The following SHISAL1 variants were observed in gnomAD, a reference collection of about 807,000 sequenced individuals.
SHISAL1 encodes protein shisa-like-1.
In SHISAL1, 9 loss-of-function variants were observed where a neutral mutation model predicts 22.6. That is an observed-to-expected ratio of 0.40 (90% confidence interval 0.24 to 0.70). The LOEUF (loss-of-function observed/expected upper bound fraction) is 0.70, where lower values mean the gene tolerates loss of function less well. SHISAL1 is among the 30% of genes least tolerant of loss of function. The pLI is 0.39. For synonymous variants in SHISAL1, 119 were observed against 115.4 expected (o/e 1.03, Z -0.20); for missense variants, 246 against 270.6 (o/e 0.91, Z 0.64).
the SHISAL1 span, among the ~76,000 whole-genome samples, chr22:44,318,425 A>G: frequency 1.3e-5 from 2 of 152,242 alleles, no homozygotes; most frequent in Non-Finnish European, 2.9e-5. Context: ...TGGCAAGTGC[A>G]GAATGCCAGG....
chr22:44,249,372 G>C lies in SHISAL1; in HGVS notation c.*313C>G, dbSNP rs1261066915. ...CAATCCTCCTGGCTGGAATCAGCCA[G>C]AGTTGCTTTGTCTTGGTCATCCTGA... On this transcript the variant is annotated 3_prime_UTR_variant, in exon 5 of 5. Coordinates refer to ENST00000381176, the MANE Select transcript of SHISAL1 (RefSeq NM_001099294.2). 1 of 329,126 alleles carries C rather than the reference G, an allele frequency of 3.0e-6. No homozygotes were observed. Among genetic ancestry groups the C allele is most frequent in the East Asian group, 5.8e-5 (1 of 17,302 alleles). 20.4% of individuals were successfully genotyped at this position (329,126 alleles called of 1,614,324 possible).
chr22:44,298,852 G>A (rs2055406122), intron 2 of SHISAL1, among the ~76,000 whole-genome samples: 1 of 152,200 alleles, frequency 6.6e-6, no homozygotes, highest in African/African-American at 2.4e-5. Context: ...GGCCACCACT[G>A]GGCGGTCAGC....
intron 3 of SHISAL1, among the ~76,000 whole-genome samples, chr22:44,292,979 G>A (rs980919576): frequency 9.9e-5 from 15 of 152,208 alleles, no homozygotes; most frequent in Non-Finnish European, 1.8e-4. Flanking sequence ...CTCCAGGGAC[G>A]CTTGATGGCC....
chr22:44,319,546 C>T, the SHISAL1 span, among the ~76,000 whole-genome samples: 1 of 152,226 alleles, frequency 6.6e-6, no homozygotes, highest in Non-Finnish European at 1.5e-5. Context: ...TCCACTGGTC[C>T]CATTTCCCAC....
intron 4 of SHISAL1, among the ~76,000 whole-genome samples, chr22:44,270,018 A>T (rs114156167): frequency 0.05 from 7,626 of 152,106 alleles, 472 homozygotes; most frequent in East Asian, 0.15. Flanking sequence ...TACCTCCAAA[A>T]TACTGCTTTG....
At position 44,285,433 on chromosome 22, in the gene SHISAL1, A is replaced by G; in HGVS notation, c.594T>C (p.Ser198=). 8.7e-6 allele frequency: 14 copies of G among 1,614,060 alleles called. No homozygotes were observed. The highest frequency in any genetic ancestry group is 1.2e-5 in the Non-Finnish European group (14 of 1,179,924). Residue 198 remains serine, a synonymous_variant, in exon 4 of 5, where the codon TCT becomes TCC. Transcript: ENST00000381176. ...TCTCAATTGTAGCCACTCACCAGGC[A>G]GACGAACTCTGGAAGGTCATCAGCG... The part of the protein sequence containing the change: ...SPPLMTFQSS[S]A
chr22:44,324,580 G>C, the SHISAL1 span, among the ~76,000 whole-genome samples: 1 of 152,208 alleles, frequency 6.6e-6, no homozygotes, highest in Non-Finnish European at 1.5e-5. Flanking sequence ...CCCTTTGTAT[G>C]AATTTATTTT....
intron 3 of SHISAL1, among the ~76,000 whole-genome samples, chr22:44,287,016 C>T (rs1488725561): frequency 1.3e-5 from 2 of 152,370 alleles, no homozygotes; most frequent in South Asian, 2.1e-4. Flanking sequence ...TCACCTCGCT[C>T]TCGCCCAGAC....
chr22:44,316,123 G>A (rs1201541004), upstream of SHISAL1, among the ~76,000 whole-genome samples: 3 of 152,184 alleles, frequency 2.0e-5, no homozygotes, highest in Admixed American at 2.0e-4. Flanking sequence ...GTTACAAATA[G>A]CAGGCCCCCA....
rs202116974 is a variant in SHISAL1, at chr22:44,272,137, AG to A, written c.599+13290del. On this transcript the variant is annotated intron_variant, in intron 4 of 4. Transcript: ENST00000381176. ...CTGCAGGTAGCACGTCCCCAGAAAC[AG>A]GTGTGTCATGTTGCCAAGCTCCTAA... Among the ~76,000 whole-genome samples, 611 of 152,292 alleles carry A rather than the reference AG, an allele frequency of 4.0e-3. 7 individuals are homozygous for A. Among genetic ancestry groups the A allele is most frequent in the African/African-American group, 0.014 (578 of 41,564 alleles).
At chr22:44,306,158 A>G (rs1188323519) in intron 1 of SHISAL1, among the ~76,000 whole-genome samples, 2 of 152,232 alleles carry the variant, frequency 1.3e-5, no homozygotes, top group Non-Finnish European at 2.9e-5. Context: ...TGAGGCGGCC[A>G]GCCTCAGGGC....
Position 44,249,484 on chromosome 22 carries a change from A to ACCCCCC in SHISAL1, c.*200_*201insGGGGGG. The ACCCCCC allele has an allele frequency of 2.2e-6, 1 of 452,216 alleles. No individual in the cohort carries two copies. 28.0% of individuals were successfully genotyped at this position (452,216 alleles called of 1,614,324 possible). On this transcript the variant is annotated 3_prime_UTR_variant, in exon 5 of 5. Coordinates refer to ENST00000381176, the MANE Select transcript of SHISAL1 (RefSeq NM_001099294.2). The stretch of plus-strand genomic sequence containing the variant: ...GGTGGCTCAGAATCCCCTCCCCTGC[A>ACCCCCC]CCCCCAGCCCCTACCCCTGAGTTTG...
intron 4 of SHISAL1, among the ~76,000 whole-genome samples, chr22:44,251,604 T>C (rs776881410): frequency 1.3e-5 from 2 of 152,170 alleles, no homozygotes; most frequent in Non-Finnish European, 2.9e-5. Flanking sequence ...CTCACAATCA[T>C]GGCAAAAGGC....
At chr22:44,327,355 C>T in the SHISAL1 span, among the ~76,000 whole-genome samples, 2 of 151,964 alleles carry the variant, frequency 1.3e-5, no homozygotes, top group South Asian at 2.1e-4. Flanking sequence ...AGGGGCTGAA[C>T]GAGAAAACCT....
chr22:44,296,372 C>A (rs2055385913), intron 3 of SHISAL1, among the ~76,000 whole-genome samples: 1 of 151,922 alleles, frequency 6.6e-6, no homozygotes, highest in Non-Finnish European at 1.5e-5. Context: ...GTTGGCTAGG[C>A]TGGTCTCGAA....
upstream of SHISAL1, among the ~76,000 whole-genome samples, chr22:44,313,166 C>T (rs1442869540): frequency 6.6e-6 from 1 of 152,258 alleles, no homozygotes; most frequent in African/African-American, 2.4e-5. Context: ...GAGACACTCC[C>T]TGTGAGATCC....
chr22:44,309,025 G>A (rs555882934), intron 1 of SHISAL1, among the ~76,000 whole-genome samples: 10 of 152,312 alleles, frequency 6.6e-5, no homozygotes, highest in African/African-American at 1.7e-4. Flanking sequence ...GGTCCTGCCC[G>A]TGGGCATCCC....
Position 44,289,916 on chromosome 22 carries a change from C to G in SHISAL1, c.282-4171G>C, listed in dbSNP as rs2055341605. Among the ~76,000 whole-genome samples, 4 of 152,250 alleles carry G rather than the reference C, an allele frequency of 2.6e-5. No individual in the cohort carries two copies. In the South Asian group the frequency reaches 8.3e-4, roughly 31 times the overall value. On this transcript the variant is annotated intron_variant, in intron 3 of 4. Coordinates refer to ENST00000381176, the MANE Select transcript of SHISAL1 (RefSeq NM_001099294.2). Reference sequence around the variant, plus strand: ...TGTTTTATGGAGCAAGATGTGAAGGCAGCCAAAGCCGCAGATCGCAATTTT... The same window carrying G: ...TGTTTTATGGAGCAAGATGTGAAGGGAGCCAAAGCCGCAGATCGCAATTTT...
the SHISAL1 span, among the ~76,000 whole-genome samples, chr22:44,331,210 C>T: frequency 6.6e-6 from 1 of 152,084 alleles, no homozygotes; most frequent in Non-Finnish European, 1.5e-5. The surrounding 1 kb of genome is among the most constrained non-coding windows in gnomAD (Gnocchi z 5.2). Context: ...CGAACACCGG[C>T]TGTCCCGCAC....
Sources: gnomAD v4.1 joint callset for allele counts (sites outside exome capture counted in the v4.1 genomes callset) on GRCh38, gnomAD v4.1.1 for gene constraint, Gnocchi (gnomAD v3.1) non-coding constraint, MANE v1.5 for transcripts, NCBI Gene and HGNC (gene_info 2026-07-23, HGNC 2026-07-21) for gene names.